The following TIMM23 variants were observed in gnomAD, a reference collection of about 807,000 sequenced individuals.
The protein encoded by TIMM23 is mitochondrial import inner membrane translocase subunit Tim23.
Under a neutral mutation model 30.7 loss-of-function variants are expected in TIMM23, and 19 were observed. The observed-to-expected ratio is 0.62, with a 90% CI of 0.43 to 0.91. The LOEUF (loss-of-function observed/expected upper bound fraction) is 0.91, where lower values mean the gene tolerates loss of function less well. Among genes scored for constraint, TIMM23 ranks in the 40% least tolerant of loss-of-function variants. The pLI is 0.00. For synonymous variants in TIMM23, 78 were observed against 98.5 expected (o/e 0.79, Z 1.23); for missense variants, 202 against 269.2 (o/e 0.75, Z 1.75).
chr10:45,982,806 A>G, intron 3 of TIMM23, 40 bp from the exon 4 acceptor site: 1 of 1,613,748 alleles, frequency 6.2e-7, no homozygotes, highest in Non-Finnish European at 8.5e-7. Flanking sequence ...TTTTTAATAT[A>G]AAGCTGTCTT....
rs1379641472 is a variant in TIMM23, at chr10:45,998,653, T to TTA, written c.515-4550_515-4549insTA. On this transcript the variant is annotated intron_variant, in intron 6 of 6. Transcript: ENST00000580018. The stretch of plus-strand genomic sequence containing the variant: ...GTAAAAGGCCACCCTTGAGTAAAGA[T>TTA]GCTATGTGATAAGTACAAACACCAA... Among the ~76,000 whole-genome samples the TTA allele has an allele frequency of 4.7e-3, 721 of 152,284 alleles. 5 individuals are homozygous for TTA. Among genetic ancestry groups the TTA allele is most frequent in the East Asian group, 0.019 (98 of 5,182 alleles).
intron 6 of TIMM23, among the ~76,000 whole-genome samples, chr10:46,001,924 G>A (rs1838551003): frequency 6.6e-6 from 1 of 152,066 alleles, no homozygotes; most frequent in Admixed American, 6.5e-5. Context: ...TACACTTGGG[G>A]ACTATTTTTA....
chr10:45,983,062 C>T (rs1185615229), intron 4 of TIMM23, 132 bp downstream of exon 4: 30 of 1,311,764 alleles, frequency 2.3e-5, no homozygotes, highest in Non-Finnish European at 3.0e-5. Context: ...GTTTTTTAAT[C>T]TTAATCAAAA....
At chr10:45,991,351 C>T (rs1335088944) in intron 6 of TIMM23, among the ~76,000 whole-genome samples, 14 of 152,210 alleles carry the variant, frequency 9.2e-5, no homozygotes, top group African/African-American at 3.4e-4. Context: ...GAAGATTAAG[C>T]TAGAAGTGGT....
At chr10:45,997,365 G>A (rs782531447) in intron 6 of TIMM23, among the ~76,000 whole-genome samples, 3 of 152,174 alleles carry the variant, frequency 2.0e-5, no homozygotes, top group Admixed American at 6.5e-5. Flanking sequence ...ACTAATGTGA[G>A]GTACTTAGAA....
At position 46,003,414 on chromosome 10, in the gene TIMM23, T is replaced by G; in HGVS notation, c.*96T>G. 1.1e-6 allele frequency: 1 copy of G among 877,616 alleles called. No individual in the cohort carries two copies. The highest frequency in any genetic ancestry group is 1.7e-5 in the South Asian group (1 of 58,756). The allele number at this position is 877,616 out of a possible 1,614,324, so 54.4% of individuals were successfully genotyped here. A position where few individuals can be genotyped will look rare whatever the true frequency, so the allele number is the denominator to read the frequency against. On this transcript the variant is annotated 3_prime_UTR_variant, in exon 7 of 7. Coordinates refer to ENST00000580018, the MANE Select transcript of TIMM23 (RefSeq NM_006327.4). ...TTATTCTCTCTCTTCTACCTACAAT[T>G]AGTTTGAAAAATTGGAGATTTTGAT...
chr10:45,980,817 G>A (rs1220310865), intron 2 of TIMM23, among the ~76,000 whole-genome samples: 4 of 150,682 alleles, frequency 2.7e-5, no homozygotes, highest in African/African-American at 4.9e-5. Flanking sequence ...ATTGATGGAC[G>A]TTTGCTTGCA....
intron 2 of TIMM23, among the ~76,000 whole-genome samples, chr10:45,979,273 A>G (rs1837770128): frequency 6.6e-6 from 1 of 152,230 alleles, no homozygotes; most frequent in Non-Finnish European, 1.5e-5. Context: ...ATTGTGTGAT[A>G]CATGAGATAC....
At chr10:45,982,760 G>T (rs1320850489) in intron 3 of TIMM23, 86 bp from the exon 4 acceptor site, 14 of 1,582,676 alleles carry the variant, frequency 8.8e-6, no homozygotes, top group Non-Finnish European at 1.1e-5. Context: ...AAATGAAAAA[G>T]AATCAGAAGT....
intron 6 of TIMM23, among the ~76,000 whole-genome samples, chr10:45,999,313 T>C (rs1381858737): frequency 3.3e-5 from 5 of 152,114 alleles, no homozygotes; most frequent in Admixed American, 1.3e-4. Flanking sequence ...GCTAATTCTT[T>C]ACATTTTTTT....
intron 6 of TIMM23, among the ~76,000 whole-genome samples, chr10:45,991,555 C>T (rs1838163358): frequency 6.6e-6 from 1 of 152,028 alleles, no homozygotes. Flanking sequence ...AGTTCAAGAC[C>T]AGCCTGACCA....
At chr10:45,988,366 A>T (rs1227888542) in intron 5 of TIMM23, among the ~76,000 whole-genome samples, 12 of 152,050 alleles carry the variant, frequency 7.9e-5, no homozygotes, top group Non-Finnish European at 1.6e-4. Context: ...TAGGTCATAG[A>T]ATTTCTTTAT....
intron 2 of TIMM23, among the ~76,000 whole-genome samples, chr10:45,979,817 A>C (rs61849479): frequency 1.3e-5 from 2 of 151,960 alleles, no homozygotes; most frequent in Admixed American, 6.6e-5. Flanking sequence ...TTGGGTGTTC[A>C]TTGATTTTTT....
chr10:46,001,360 A>G (rs7350420), intron 6 of TIMM23, among the ~76,000 whole-genome samples: 39,722 of 152,040 alleles, frequency 0.26, 6,538 homozygotes, highest in East Asian at 0.39. Flanking sequence ...GTCCCCCTAC[A>G]TGACAGCTGT....
chr10:45,981,430 A>G (rs1554914028), intron 2 of TIMM23, among the ~76,000 whole-genome samples: 3 of 151,770 alleles, frequency 2.0e-5, no homozygotes, highest in Non-Finnish European at 4.4e-5. Flanking sequence ...CCCAAAATTT[A>G]TAAAACTCTA....
intron 2 of TIMM23, among the ~76,000 whole-genome samples, chr10:45,975,990 CG>C (rs1417549276): frequency 2.0e-5 from 3 of 152,096 alleles, no homozygotes; most frequent in Non-Finnish European, 2.9e-5. Context: ...TCAATAGAGA[CG>C]GGGTTTCACC....
intron 2 of TIMM23, among the ~76,000 whole-genome samples, chr10:45,982,172 GTTAT>G (rs1158124862): frequency 6.6e-6 from 1 of 152,306 alleles, no homozygotes; most frequent in East Asian, 1.9e-4. Flanking sequence ...CAGAATGAAA[GTTAT>G]TTGTTTCTTC....
intron 6 of TIMM23, among the ~76,000 whole-genome samples, chr10:45,994,737 CG>C (rs1374620467): frequency 3.4e-5 from 5 of 148,112 alleles, no homozygotes; most frequent in Non-Finnish European, 7.5e-5. Flanking sequence ...CCACCGCGCC[CG>C]GCCCCCTCTT....
chr10:46,003,079 A>C, intron 6 of TIMM23, 124 bp from the exon 7 acceptor site: 1 of 687,016 alleles, frequency 1.5e-6, no homozygotes, highest in African/African-American at 1.8e-5. Flanking sequence ...GGCCTCCCGA[A>C]GTGCTGGGAT....
Sources: gnomAD v4.1 joint callset for allele counts (sites outside exome capture counted in the v4.1 genomes callset) on GRCh38, gnomAD v4.1.1 for gene constraint, MANE v1.5 for transcripts, NCBI Gene and HGNC (gene_info 2026-07-23, HGNC 2026-07-21) for gene names.